PTPRA: variants seen among roughly 807,000 people sequenced by gnomAD.
The protein encoded by PTPRA is protein tyrosine phosphatase receptor type A.
In PTPRA, 25 loss-of-function variants were observed where a neutral mutation model predicts 104.8. The ratio of observed to expected loss-of-function variants is 0.24; its 90% confidence interval spans 0.17 to 0.33. The LOEUF (loss-of-function observed/expected upper bound fraction) is 0.33. Ranked by LOEUF, PTPRA falls within the 10% of genes least tolerant of loss-of-function variation. The probability of loss-of-function intolerance (pLI) is 1.00; values close to 1 mark genes in which losing one functional copy is unlikely to be tolerated. For synonymous variants in PTPRA, 323 were observed against 368.9 expected (o/e 0.88, Z 1.43); for missense variants, 765 against 1,015.3 (o/e 0.75, Z 3.35).
chr20:3,016,035 G>C, intron 12 of PTPRA, 150 bp downstream of exon 12: 1 of 742,748 alleles, frequency 1.3e-6, no homozygotes, highest in South Asian at 2.0e-5. Flanking sequence ...CCATTATACA[G>C]GTTTACAGCT....
At chr20:3,011,486 A>G (rs957569707) in intron 11 of PTPRA, among the ~76,000 whole-genome samples, 9 of 152,234 alleles carry the variant, frequency 5.9e-5, no homozygotes, top group Non-Finnish European at 1.3e-4. Context: ...ATGAGAAAAA[A>G]CATTCAGCCC....
rs776115054 is a variant in PTPRA at position 3,037,158 on chromosome 20, G to A, written c.2203G>A (p.Gly735Arg). ...NHPITVHCSA[G>R]AGRTGTFCAL... is the part of the protein sequence containing the mutation. The stretch of plus-strand genomic sequence containing the variant: ...AATGTGTCTGCTCTGTTGCAGCGCC[G>A]GGGCAGGAAGGACGGGGACCTTCTG... The change falls in exon 23 of 24, where the codon GGG (glycine) becomes AGG (arginine). Residue 735 changes from glycine to arginine, a missense_variant. Physicochemically the swap from Gly to Arg is moderately radical, Grantham distance 125 (BLOSUM62 -2). Transcript: ENST00000399903. The surrounding 1 kb of genome is among the most constrained non-coding windows in gnomAD (Gnocchi z 4.3). The A allele has an allele frequency of 3.7e-6, 6 of 1,613,928 alleles. No homozygotes were observed. Among genetic ancestry groups the A allele is most frequent in the South Asian group, 1.1e-5 (1 of 91,048 alleles).
upstream of PTPRA, among the ~76,000 whole-genome samples, chr20:2,873,157 G>T (rs1243680800): frequency 6.6e-6 from 1 of 152,194 alleles, no homozygotes; most frequent in Non-Finnish European, 1.5e-5. The surrounding 1 kb of genome is among the most constrained non-coding windows in gnomAD (Gnocchi z 4.4). Context: ...GGTGTAGTTT[G>T]TGCCTGGCCT....
intron 1 of PTPRA, among the ~76,000 whole-genome samples, chr20:2,874,973 C>G (rs1372797265): frequency 6.6e-6 from 1 of 152,176 alleles, no homozygotes; most frequent in African/African-American, 2.4e-5. Context: ...CTTTACCTGC[C>G]AAGCTCCACT....
At chr20:3,009,723 G>A (rs1004230347) in intron 11 of PTPRA, among the ~76,000 whole-genome samples, 3 of 152,160 alleles carry the variant, frequency 2.0e-5, no homozygotes, top group African/African-American at 4.8e-5. Flanking sequence ...AACTTACATC[G>A]AAGATCATGA....
At chr20:2,872,497 C>T (rs931682899), upstream of PTPRA, among the ~76,000 whole-genome samples, 2 of 152,264 alleles carry the variant, frequency 1.3e-5, no homozygotes, top group African/African-American at 4.8e-5. The surrounding 1 kb of genome is among the most constrained non-coding windows in gnomAD (Gnocchi z 7.9). Flanking sequence ...CCTGCAGACG[C>T]CCAGCCGCTC....
intron 9 of PTPRA, among the ~76,000 whole-genome samples, chr20:2,999,823 GT>G (rs1448869024): frequency 6.6e-6 from 1 of 152,152 alleles, no homozygotes; most frequent in Non-Finnish European, 1.5e-5. Flanking sequence ...GACTTAAAAT[GT>G]TGATAAAAGG....
the PTPRA span, chr20:2,865,336 T>A: frequency 6.2e-7 from 1 of 1,614,150 alleles, no homozygotes; most frequent in Non-Finnish European, 8.5e-7. This position sits in a 1 kb window ranked among gnomAD's most constrained non-coding sequence, Gnocchi z 5.2. Flanking sequence ...GGGCCCAGGC[T>A]GCATGTGGGT....
intron 3 of PTPRA, among the ~76,000 whole-genome samples, chr20:2,956,720 G>A (rs1295629727): frequency 6.6e-6 from 1 of 152,008 alleles, no homozygotes; most frequent in Non-Finnish European, 1.5e-5. Context: ...ATTTAATCAT[G>A]TCTCTCTCCC....
chr20:2,920,858 C>T (rs1394393648), intron 1 of PTPRA, among the ~76,000 whole-genome samples: 1 of 151,798 alleles, frequency 6.6e-6, no homozygotes, highest in Non-Finnish European at 1.5e-5. Context: ...ATGTTAAAGC[C>T]TTGAGGCTAT....
At chr20:2,959,009 G>T (rs2061649249) in intron 3 of PTPRA, among the ~76,000 whole-genome samples, 1 of 152,124 alleles carries the variant, frequency 6.6e-6, no homozygotes. Flanking sequence ...GAGAAGTAAG[G>T]ATAGTGTTGT....
intron 9 of PTPRA, among the ~76,000 whole-genome samples, chr20:3,004,363 G>A (rs1008722932): frequency 6.6e-6 from 1 of 152,242 alleles, no homozygotes; most frequent in African/African-American, 2.4e-5. Context: ...TTTAACAGAT[G>A]TGCTCAAGTT....
At chr20:2,988,268 C>T in intron 8 of PTPRA, 70 bp from the exon 9 acceptor site, 1 of 1,556,826 alleles carries the variant, frequency 6.4e-7, no homozygotes, top group Non-Finnish European at 8.6e-7. Flanking sequence ...AGGTAGAACC[C>T]CGTTTAGCCT....
At chr20:2,925,858 C>T (rs773075066) in intron 2 of PTPRA, among the ~76,000 whole-genome samples, 7 of 151,928 alleles carry the variant, frequency 4.6e-5, no homozygotes, top group South Asian at 2.1e-4. Flanking sequence ...CATGGATGTA[C>T]AAACATCTGT....
chr20:3,027,192 A>G lies in PTPRA; in HGVS notation c.1780A>G (p.Ile594Val). The G allele has an allele frequency of 6.2e-7, 1 of 1,613,984 alleles. No homozygotes were observed. The highest frequency in any genetic ancestry group is 8.5e-7 in the Non-Finnish European group (1 of 1,179,852). ...ENTDYVNASFIDGYRQKDSYI... is the reference protein window; with the variant it reads ...ENTDYVNASFVDGYRQKDSYI... ...TACAGACTATGTGAACGCATCCTTT[A>G]TTGATGTAAGTGGTGGGTGTGACCC... is the stretch of plus-strand genomic sequence containing the variant. Residue 594 changes from isoleucine (I) to valine (V), a missense_variant, in exon 19 of 24, where the codon ATT (isoleucine) becomes GTT (valine). This residue lies in a region of PTPRA where 192 missense variants were observed against 227.0 expected (regional missense o/e 0.85). Transcript: ENST00000399903.
intron 1 of PTPRA, among the ~76,000 whole-genome samples, chr20:2,886,102 T>G (rs2090366441): frequency 6.6e-6 from 1 of 152,098 alleles, no homozygotes; most frequent in African/African-American, 2.4e-5. Flanking sequence ...TAATTGAACA[T>G]AAGTATAGAT....
the PTPRA span, chr20:2,865,794 A>G: frequency 4.1e-6 from 2 of 483,186 alleles, no homozygotes; most frequent in South Asian, 4.7e-5. This position sits in a 1 kb window ranked among gnomAD's most constrained non-coding sequence, Gnocchi z 5.2. Flanking sequence ...AGGAGGGTGG[A>G]GGGGGCACAG....
rs1600258044 is a variant in PTPRA, at chr20:3,016,472, G to A, written c.943+587G>A. Among the ~76,000 whole-genome samples, 3 of 152,354 alleles carry A rather than the reference G, an allele frequency of 2.0e-5. No individual in the cohort carries two copies. In the East Asian group the frequency reaches 5.8e-4, roughly 29 times the overall value. ...AGCATTAAAAAGTAATTGAGGCCGGGCAGGGTGGCTCATGCCTGTAATCCT... is the reference window on the plus strand; with the variant it reads ...AGCATTAAAAAGTAATTGAGGCCGGACAGGGTGGCTCATGCCTGTAATCCT... On this transcript the variant is annotated intron_variant, in intron 12 of 23. Coordinates refer to ENST00000399903, the MANE Select transcript of PTPRA (RefSeq NM_001385305.1).
chr20:2,908,878 T>A (rs2059523368), intron 1 of PTPRA, among the ~76,000 whole-genome samples: 1 of 152,220 alleles, frequency 6.6e-6, no homozygotes. Context: ...TAGTTACTGA[T>A]AACAGTTATG....
Sources: gnomAD v4.1 joint callset for allele counts (sites outside exome capture counted in the v4.1 genomes callset) on GRCh38, gnomAD v4.1.1 for gene constraint, gnomAD v4.1.1 regional missense constraint, Gnocchi (gnomAD v3.1) non-coding constraint, MANE v1.5 for transcripts, NCBI Gene and HGNC (gene_info 2026-07-23, HGNC 2026-07-21) for gene names.